The following OTOGL variants were observed in gnomAD, a reference collection of about 807,000 sequenced individuals.
The protein encoded by OTOGL is otogelin like, also known as otogelin-like protein.
OTOGL carries 285 observed loss-of-function variants against 318.5 expected under a neutral mutation model. The observed-to-expected ratio is 0.89, with a 90% CI of 0.81 to 0.99. The LOEUF is 0.99. OTOGL is among the 50% of genes least tolerant of loss of function. The pLI, the probability that OTOGL is intolerant of heterozygous loss-of-function variation, is 0.00. For synonymous variants in OTOGL, 987 were observed against 936.5 expected, an observed-to-expected ratio of 1.05 and a Z score of -0.99; for missense variants, 2,899 against 2,845.6, an observed-to-expected ratio of 1.02 and a Z score of -0.43.
chr12:80,290,748 C>T (rs1334264140), intron 26 of OTOGL, among the ~76,000 whole-genome samples: 2 of 152,048 alleles, frequency 1.3e-5, no homozygotes, highest in South Asian at 2.1e-4. Context: ...AAATATTTTC[C>T]AATGTATGGT....
intron 33 of OTOGL, among the ~76,000 whole-genome samples, chr12:80,320,070 A>G (rs1887220997): frequency 1.3e-5 from 2 of 152,184 alleles, no homozygotes; most frequent in South Asian, 2.1e-4. Flanking sequence ...GCAAACGCAA[A>G]TATATGTCCA....
intron 44 of OTOGL, among the ~76,000 whole-genome samples, chr12:80,342,827 A>G (rs1170460360): frequency 3.3e-5 from 5 of 152,148 alleles, no homozygotes; most frequent in Admixed American, 6.6e-5. Context: ...AGTGTACATT[A>G]TAGAGGTACA....
At chr12:80,198,083 G>A (rs1245274906) in intron 1 of OTOGL, among the ~76,000 whole-genome samples, 3 of 152,088 alleles carry the variant, frequency 2.0e-5, no homozygotes, top group Admixed American at 1.3e-4. Context: ...ATTTGTGGGA[G>A]CAGGCCACAA....
chr12:80,339,311 T>TTTC, intron 43 of OTOGL, 47 bp downstream of exon 43: 2 of 1,426,694 alleles, frequency 1.4e-6, no homozygotes, highest in East Asian at 4.8e-5. Flanking sequence ...TTTTTTTTTT[T>TTTC]TTTTTTTTTT....
At chr12:80,203,800 G>T (rs1450763287) in intron 1 of OTOGL, among the ~76,000 whole-genome samples, 1 of 152,160 alleles carries the variant, frequency 6.6e-6, no homozygotes, top group Non-Finnish European at 1.5e-5. Context: ...CAAGAAGCTA[G>T]ATTCTCTTTT....
At chr12:80,112,505 G>A (rs1869901738) in intron 1 of OTOGL, among the ~76,000 whole-genome samples, 1 of 152,124 alleles carries the variant, frequency 6.6e-6, no homozygotes, top group Admixed American at 6.5e-5. Flanking sequence ...AGATAATCAT[G>A]TGGTTTTTAT....
chr12:80,333,118 A>G (rs754411988), intron 38 of OTOGL, 40 bp downstream of exon 38: 3 of 1,502,126 alleles, frequency 2.0e-6, no homozygotes, highest in East Asian at 4.7e-5. Context: ...TGTCATTTCC[A>G]TATATCATCC....
intron 17 of OTOGL, 124 bp downstream of exon 17, chr12:80,256,584 G>A (rs1177839318): frequency 2.4e-5 from 32 of 1,340,426 alleles, no homozygotes; most frequent in Non-Finnish European, 2.8e-5. Flanking sequence ...CATTTATAGA[G>A]TTTGTATGTG....
intron 43 of OTOGL, 30 bp downstream of exon 43, chr12:80,339,294 G>GTATT: frequency 1.7e-6 from 1 of 578,528 alleles, no homozygotes. Context: ...TCTTGATTTC[G>GTATT]TCTGTTTTTT....
rs917828327 is a variant in OTOGL, at chr12:80,320,583, G to A, written c.3964G>A (p.Ala1322Thr). ...HQGLWIPGYS[A>T]FELYSKKGFF... The stretch of plus-strand genomic sequence containing the variant: ...GGGCCTCTGGATTCCTGGTTACAGT[G>A]CATTTGAGTTATACAGCAAGAAAGG... Residue 1322 changes from alanine to threonine, a missense_variant, in exon 34 of 59, where the codon GCA (alanine) becomes ACA (threonine). Ala to Thr is a moderately conservative substitution (Grantham distance 58). Around this residue, in one of 3 missense-constraint regions of OTOGL, gnomAD observed 2,607 missense variants for 2,524.9 expected, o/e 1.03. Coordinates refer to ENST00000547103, the MANE Select transcript of OTOGL (RefSeq NM_001378609.3). 8 of 1,613,128 alleles carry A rather than the reference G, an allele frequency of 5.0e-6. No homozygotes were observed. In the African/African-American group the frequency reaches 6.7e-5, roughly 13 times the overall value.
At chr12:80,194,748 G>A (rs1206600979) in intron 1 of OTOGL, among the ~76,000 whole-genome samples, 2 of 151,782 alleles carry the variant, frequency 1.3e-5, no homozygotes, top group Non-Finnish European at 2.9e-5. Context: ...GATTTATTTT[G>A]CCCAGATTTA....
At chr12:80,179,984 G>C (rs978890312) in intron 1 of OTOGL, among the ~76,000 whole-genome samples, 5 of 152,228 alleles carry the variant, frequency 3.3e-5, no homozygotes, top group African/African-American at 1.2e-4. Flanking sequence ...AGAAGCCACT[G>C]TATCCTGCAG....
rs528497325 is a variant in OTOGL at position 80,205,034 on chromosome 12, C to T, written c.-19-4379C>T. Among the ~76,000 whole-genome samples, 59 of 152,178 alleles carry T rather than the reference C, an allele frequency of 3.9e-4. No homozygotes were observed. In the South Asian group the frequency reaches 0.012, roughly 31 times the overall value. On this transcript the variant is annotated intron_variant, in intron 1 of 58. Transcript: ENST00000547103. ...CTAAGTGAGAGAAACGAACAACAAA[C>T]AACAAGATTAGAACCACCCCTACTG...
At chr12:80,363,137 G>A (rs1017459806) in intron 52 of OTOGL, among the ~76,000 whole-genome samples, 1 of 152,066 alleles carries the variant, frequency 6.6e-6, no homozygotes, top group East Asian at 1.9e-4. Context: ...TAAAGGCAAG[G>A]CTGAGGAATT....
intron 1 of OTOGL, among the ~76,000 whole-genome samples, chr12:80,196,867 G>C (rs1424254789): frequency 6.6e-6 from 1 of 152,122 alleles, no homozygotes; most frequent in Non-Finnish European, 1.5e-5. Context: ...TTTAACCTGA[G>C]ACTGGTTAAG....
At chr12:80,300,177 T>C (rs538916859) in intron 27 of OTOGL, among the ~76,000 whole-genome samples, 20 of 151,994 alleles carry the variant, frequency 1.3e-4, no homozygotes, top group African/African-American at 4.8e-4. Flanking sequence ...ATTTTCTTGT[T>C]TCATGTTCTG....
At position 80,211,967 on chromosome 12, in the gene OTOGL, T is replaced by C. The variant is rs1168663679; in HGVS notation, c.138T>C (p.Asn46=). 1.3e-6 allele frequency: 2 copies of C among 1,575,728 alleles called. No individual in the cohort carries two copies. The highest frequency in any genetic ancestry group is 1.7e-6 in the Non-Finnish European group (2 of 1,167,646). Residue 46 remains asparagine (N), a synonymous_variant, in exon 4 of 59, where the codon AAT becomes AAC. Transcript: ENST00000547103. Reference sequence around the variant, plus strand: ...CTTCCAGAAACGGGTTTAATGAAAATCGACAGAAAAGAGCTCTTTTAGCAG... The same window carrying C: ...CTTCCAGAAACGGGTTTAATGAAAACCGACAGAAAAGAGCTCTTTTAGCAG... ...MGTSKNGFNE[N]RQKRALLAAQ...
At position 80,355,770 on chromosome 12, in the gene OTOGL, T is replaced by A; in HGVS notation, c.5628T>A (p.Ala1876=). 1 of 1,613,722 alleles carries A rather than the reference T, an allele frequency of 6.2e-7. No individual in the cohort carries two copies. The highest frequency in any genetic ancestry group is 8.5e-7 in the Non-Finnish European group (1 of 1,179,754). Residue 1876 remains alanine (A), a synonymous_variant, in exon 47 of 59, where the codon GCT becomes GCA. Coordinates refer to ENST00000547103, the MANE Select transcript of OTOGL (RefSeq NM_001378609.3). The part of the protein sequence containing the change: ...CTDSEDQPRT[A]GEIWNGGIDE... ...ATAGTGAAGACCAACCCCGCACTGCTGGGGAGATTTGGAATGGGGGCATTG... is the reference window on the plus strand; with the variant it reads ...ATAGTGAAGACCAACCCCGCACTGCAGGGGAGATTTGGAATGGGGGCATTG...
chr12:80,219,746 T>C, intron 5 of OTOGL, 68 bp from the exon 6 acceptor site: 1 of 995,084 alleles, frequency 1.0e-6, no homozygotes, highest in Non-Finnish European at 1.5e-6. Flanking sequence ...AAGCTATATC[T>C]TGACATATTA....
Sources: allele counts gnomAD v4.1 joint callset (sites outside exome capture counted in the v4.1 genomes callset), GRCh38; gene constraint gnomAD v4.1.1; regional missense constraint gnomAD v4.1.1; transcripts MANE v1.5; gene names NCBI Gene and HGNC (gene_info 2026-07-23, HGNC 2026-07-21).